NUCKS1: variants seen among roughly 807,000 people sequenced by gnomAD.
The protein encoded by NUCKS1 is nuclear casein kinase and cyclin dependent kinase substrate 1.
NUCKS1 carries 2 observed loss-of-function variants against 33.0 expected under a neutral mutation model. That is an observed-to-expected ratio of 0.06 (90% CI 0.02 to 0.19). The LOEUF is 0.19. Ranked by LOEUF, NUCKS1 falls within the 10% of genes least tolerant of loss-of-function variation. The pLI is 1.00. For synonymous variants in NUCKS1, 106 were observed against 102.8 expected (o/e 1.03, Z -0.19); for missense variants, 201 against 293.6 (o/e 0.68, Z 2.31).
chr1:205,720,947 A>G (rs1571570342), intron 4 of NUCKS1, among the ~76,000 whole-genome samples: 1 of 152,332 alleles, frequency 6.6e-6, no homozygotes, highest in Admixed American at 6.5e-5. Context: ...GAAGGAGATC[A>G]TGCTCTTTGC....
chr1:205,718,790 TTG>T (rs1671872314), intron 6 of NUCKS1, among the ~76,000 whole-genome samples: 1 of 152,184 alleles, frequency 6.6e-6, no homozygotes, highest in Non-Finnish European at 1.5e-5. Flanking sequence ...CCTTAATTGC[TTG>T]GTAAACTAAC....
chr1:205,725,118 G>A (rs1270287103), intron 3 of NUCKS1, among the ~76,000 whole-genome samples: 1 of 152,180 alleles, frequency 6.6e-6, no homozygotes, highest in African/African-American at 2.4e-5. Context: ...CTGAGCTCAA[G>A]TGATCCACCT....
In NUCKS1 at chr1:205,715,475, T is replaced by A. The variant is rs1238868044; in HGVS notation, c.*2805A>T. 1 of 152,186 alleles carries A rather than the reference T, an allele frequency of 6.6e-6. No homozygotes were observed. The highest frequency in any genetic ancestry group is 1.5e-5 in the Non-Finnish European group (1 of 68,010). 9.4% of individuals were successfully genotyped at this position (152,186 alleles called of 1,614,324 possible). On this transcript the variant is annotated 3_prime_UTR_variant, in exon 7 of 7. Coordinates refer to ENST00000367142, the MANE Select transcript of NUCKS1 (RefSeq NM_022731.5). Reference sequence around the variant, plus strand: ...ACCTACCATTACTGGAATTAAAATGTATCCTCTGGGCCCACTCCATTGATT... The same window carrying A: ...ACCTACCATTACTGGAATTAAAATGAATCCTCTGGGCCCACTCCATTGATT...
intron 2 of NUCKS1, among the ~76,000 whole-genome samples, chr1:205,728,092 C>T (rs1235164727): frequency 6.6e-6 from 1 of 152,126 alleles, no homozygotes; most frequent in African/African-American, 2.4e-5. Flanking sequence ...TCAACATCTT[C>T]ACACTTATTT....
intron 1 of NUCKS1, 86 bp downstream of exon 1, chr1:205,749,871 G>C (rs1654447112): frequency 7.1e-7 from 1 of 1,408,594 alleles, no homozygotes; most frequent in African/African-American, 1.4e-5. Context: ...CGGGGATGGC[G>C]GACTCTAGCC....
chr1:205,727,076 G>T (rs1383432202), intron 3 of NUCKS1, among the ~76,000 whole-genome samples: 7 of 151,994 alleles, frequency 4.6e-5, no homozygotes, highest in African/African-American at 1.7e-4. Context: ...GGATCCTCCT[G>T]CCTCGGACTC....
intron 5 of NUCKS1, among the ~76,000 whole-genome samples, chr1:205,720,041 T>C (rs1420432535): frequency 6.6e-6 from 1 of 152,216 alleles, no homozygotes. Context: ...CAGGGCCTTT[T>C]TGGTCCAATT....
rs1308325174 is a variant in NUCKS1 at position 205,718,087 on chromosome 1, A to T, written c.*193T>A. Reference sequence around the variant, plus strand: ...CTTACACATACAATGGTTTGCTTTAAAAAAAAAAAAAAAAAAAGAGAGAGA... The same window carrying T: ...CTTACACATACAATGGTTTGCTTTATAAAAAAAAAAAAAAAAAGAGAGAGA... On this transcript the variant is annotated 3_prime_UTR_variant, in exon 7 of 7. Coordinates refer to ENST00000367142, the MANE Select transcript of NUCKS1 (RefSeq NM_022731.5). 13 of 457,328 alleles carry T rather than the reference A, an allele frequency of 2.8e-5. No individual in the cohort carries two copies. Among genetic ancestry groups the T allele is most frequent in the East Asian group, 7.0e-5 (1 of 14,248 alleles). 28.3% of individuals were successfully genotyped at this position (457,328 alleles called of 1,614,324 possible). A position where few individuals can be genotyped will look rare whatever the true frequency, so the allele number is the denominator to read the frequency against.
In NUCKS1 at chr1:205,715,418, TGAG is replaced by T. The variant is rs901795140; in HGVS notation, c.*2859_*2861del. On this transcript the variant is annotated 3_prime_UTR_variant, in exon 7 of 7. Transcript: ENST00000367142. ...ATCAATATGGAGTGGAAATATGAAA[TGAG>T]GAGATGTTTTAGAAAGCAGGACAAA... is the stretch of plus-strand genomic sequence containing the variant. The T allele has an allele frequency of 3.9e-5, 6 of 152,138 alleles. No individual in the cohort carries two copies. In the East Asian group the frequency reaches 5.8e-4, roughly 15 times the overall value. 9.4% of individuals were successfully genotyped at this position (152,138 alleles called of 1,614,324 possible). A position where few individuals can be genotyped will look rare whatever the true frequency, so the allele number is the denominator to read the frequency against.
rs1671820405 is a variant in NUCKS1, at chr1:205,716,194, A to G, written c.*2086T>C. ...CACAGAGATGTTAGTGCAGATTAATATATTAAAGAGACTGTTAAACAACTG... is the reference window on the plus strand; with the variant it reads ...CACAGAGATGTTAGTGCAGATTAATGTATTAAAGAGACTGTTAAACAACTG... On this transcript the variant is annotated 3_prime_UTR_variant, in exon 7 of 7. Transcript: ENST00000367142. 1 of 152,228 alleles carries G rather than the reference A, an allele frequency of 6.6e-6. No homozygotes were observed. Among genetic ancestry groups the G allele is most frequent in the Non-Finnish European group, 1.5e-5 (1 of 68,046 alleles). 9.4% of individuals were successfully genotyped at this position (152,228 alleles called of 1,614,324 possible).
chr1:205,725,604 T>C (rs1305461417), intron 3 of NUCKS1, among the ~76,000 whole-genome samples: 1 of 152,200 alleles, frequency 6.6e-6, no homozygotes, highest in Non-Finnish European at 1.5e-5. Context: ...GTTTATAGAC[T>C]ACATTAATCT....
intron 1 of NUCKS1, among the ~76,000 whole-genome samples, chr1:205,738,800 C>G (rs1654095004): frequency 6.6e-6 from 1 of 152,084 alleles, no homozygotes; most frequent in Non-Finnish European, 1.5e-5. Context: ...CCCAGCCACT[C>G]CAGGGGCTGA....
intron 1 of NUCKS1, among the ~76,000 whole-genome samples, chr1:205,743,761 A>C (rs1443310113): frequency 6.6e-6 from 1 of 152,204 alleles, no homozygotes; most frequent in Non-Finnish European, 1.5e-5. Context: ...ATTATTAAAA[A>C]ACCTGTTTAC....
chr1:205,730,751 G>C (rs543431878), intron 1 of NUCKS1, among the ~76,000 whole-genome samples: 1 of 152,140 alleles, frequency 6.6e-6, no homozygotes, highest in East Asian at 1.9e-4. Context: ...CCAAAGTGCT[G>C]GGATTACAGG....
At chr1:205,746,121 C>T (rs1272760251) in intron 1 of NUCKS1, among the ~76,000 whole-genome samples, 2 of 150,626 alleles carry the variant, frequency 1.3e-5, no homozygotes, top group East Asian at 4.2e-4. Context: ...CATGGTGAAA[C>T]CCTGTCCCTA....
Sources: allele counts gnomAD v4.1 joint callset (sites outside exome capture counted in the v4.1 genomes callset), GRCh38; gene constraint gnomAD v4.1.1; transcripts MANE v1.5; gene names NCBI Gene and HGNC (gene_info 2026-07-23, HGNC 2026-07-21).